The following EPC2 variants were observed in gnomAD, a reference collection of about 807,000 sequenced individuals.
The protein encoded by EPC2 is enhancer of polycomb 2.
A neutral mutation model predicts 92.1 loss-of-function variants in EPC2; 14 were observed. The ratio of observed to expected loss-of-function variants is 0.15; its 90% CI spans 0.10 to 0.24. The LOEUF (loss-of-function observed/expected upper bound fraction) is 0.24. Ranked by LOEUF, EPC2 falls within the 10% of genes least tolerant of loss-of-function variation. The probability of loss-of-function intolerance (pLI) is 1.00; values close to 1 mark genes in which losing one functional copy is unlikely to be tolerated. For missense variants in EPC2, 755 were observed against 971.5 expected (o/e 0.78, Z 2.96); for synonymous variants, 340 against 334.7 (o/e 1.02, Z -0.17).
At chr2:148,705,580 G>A (rs938150149) in intron 2 of EPC2, among the ~76,000 whole-genome samples, 1 of 152,170 alleles carries the variant, frequency 6.6e-6, no homozygotes, top group Admixed American at 6.5e-5. Flanking sequence ...CCCAGTAGGG[G>A]CCGACTGACA....
At chr2:148,674,235 G>A (rs1382361862) in intron 1 of EPC2, among the ~76,000 whole-genome samples, 9 of 152,142 alleles carry the variant, frequency 5.9e-5, no homozygotes, top group African/African-American at 2.4e-5. Flanking sequence ...TCAGGTGTTT[G>A]TACTCTCTTG....
chr2:148,647,553 C>A (rs1040684102), intron 1 of EPC2, among the ~76,000 whole-genome samples: 1 of 151,820 alleles, frequency 6.6e-6, no homozygotes, highest in Non-Finnish European at 1.5e-5. Context: ...GGTGATCACC[C>A]GCCTCGGCCT....
intron 2 of EPC2, among the ~76,000 whole-genome samples, chr2:148,711,897 C>T (rs1034194561): frequency 1.3e-5 from 2 of 152,070 alleles, no homozygotes; most frequent in Non-Finnish European, 2.9e-5. Flanking sequence ...ATTATAGGTA[C>T]TCTGGCTTTG....
rs6708732 is a variant in EPC2 at position 148,717,844 on chromosome 2, G to T, written c.314-25778G>T. Among the ~76,000 whole-genome samples, 1,070 of 152,244 alleles carry T rather than the reference G, an allele frequency of 7.0e-3. 15 individuals are homozygous for T. Among genetic ancestry groups the T allele is most frequent in the African/African-American group, 0.025 (1,022 of 41,528 alleles). On this transcript the variant is annotated intron_variant, in intron 2 of 13. Coordinates refer to ENST00000258484, the MANE Select transcript of EPC2 (RefSeq NM_015630.4). ...GATCTGTCTAATATTGTCAGTAGGGGTGTTAAAGTCTCCCACTATTATTGT... is the reference window on the plus strand; with the variant it reads ...GATCTGTCTAATATTGTCAGTAGGGTTGTTAAAGTCTCCCACTATTATTGT...
chr2:148,729,219 A>T (rs1369496465), intron 2 of EPC2, among the ~76,000 whole-genome samples: 3 of 152,080 alleles, frequency 2.0e-5, no homozygotes, highest in African/African-American at 7.2e-5. Context: ...TAGCTTGTAC[A>T]GGAGTGCTTG....
chr2:148,679,588 C>T (rs1353206893), intron 1 of EPC2, among the ~76,000 whole-genome samples: 2 of 152,158 alleles, frequency 1.3e-5, no homozygotes, highest in African/African-American at 4.8e-5. Flanking sequence ...GCCTTGGCTT[C>T]CTAGTTCTTT....
intron 12 of EPC2, 30 bp downstream of exon 12, chr2:148,783,786 T>A (rs1180332001): frequency 6.4e-7 from 1 of 1,559,972 alleles, no homozygotes. Context: ...TGGTACCTAC[T>A]TTCTTGAAGT....
chr2:148,723,797 A>T (rs1253185114), intron 2 of EPC2, among the ~76,000 whole-genome samples: 6 of 152,118 alleles, frequency 3.9e-5, no homozygotes, highest in African/African-American at 1.2e-4. Flanking sequence ...TTTGAGGTTG[A>T]TATACTTAAA....
chr2:148,780,260 C>T (rs976679637), intron 10 of EPC2, among the ~76,000 whole-genome samples: 2 of 152,074 alleles, frequency 1.3e-5, no homozygotes, highest in Non-Finnish European at 1.5e-5. Flanking sequence ...GAACTGTTTT[C>T]CCCTTATAGT....
chr2:148,740,093 G>T (rs532176246), intron 2 of EPC2, among the ~76,000 whole-genome samples: 150 of 151,484 alleles, frequency 9.9e-4, no homozygotes, highest in African/African-American at 3.6e-3. Flanking sequence ...TTTTTAGCAG[G>T]AGAAAGCTAT....
intron 3 of EPC2, 121 bp downstream of exon 3, chr2:148,743,888 C>A: frequency 4.0e-6 from 3 of 756,392 alleles, no homozygotes; most frequent in Non-Finnish European, 5.9e-6. Context: ...CCTGGAATTT[C>A]TGTTTACAAT....
chr2:148,687,696 T>C (rs909499151), intron 1 of EPC2, among the ~76,000 whole-genome samples: 1 of 152,220 alleles, frequency 6.6e-6, no homozygotes, highest in Non-Finnish European at 1.5e-5. Flanking sequence ...CGATGCTGCT[T>C]GTGGGAGTCC....
intron 2 of EPC2, among the ~76,000 whole-genome samples, chr2:148,713,456 A>T (rs1469136129): frequency 6.6e-6 from 1 of 152,140 alleles, no homozygotes; most frequent in Non-Finnish European, 1.5e-5. Flanking sequence ...ACAAAAAGTT[A>T]AAAAGTAAAA....
At chr2:148,785,316 A>G (rs1395381713) in intron 13 of EPC2, among the ~76,000 whole-genome samples, 1 of 151,642 alleles carries the variant, frequency 6.6e-6, no homozygotes, top group Non-Finnish European at 1.5e-5. Flanking sequence ...AGCTTCAGTT[A>G]CTCTTCCCCC....
At chr2:148,751,095 C>A (rs573570179) in intron 3 of EPC2, among the ~76,000 whole-genome samples, 240 of 152,106 alleles carry the variant, frequency 1.6e-3, no homozygotes, top group Middle Eastern at 3.4e-3. Flanking sequence ...AAGTTTTTTC[C>A]CTTATCTTCC....
At chr2:148,717,192 GAT>G (rs1491192972) in intron 2 of EPC2, among the ~76,000 whole-genome samples, 4 of 98,546 alleles carry the variant, frequency 4.1e-5, no homozygotes, top group Non-Finnish European at 6.0e-5. Context: ...TGGATTCATT[GAT>G]TTTTTTTTTT....
At chr2:148,691,924 C>CTT (rs1332366272) in intron 2 of EPC2, 1 of 446,968 alleles carries the variant, frequency 2.2e-6, no homozygotes, top group African/African-American at 2.0e-5. Flanking sequence ...AAGCATAAAG[C>CTT]TTTTTTCTTT....
At chr2:148,693,565 G>T (rs1416862945) in intron 2 of EPC2, among the ~76,000 whole-genome samples, 1 of 152,126 alleles carries the variant, frequency 6.6e-6, no homozygotes, top group African/African-American at 2.4e-5. Flanking sequence ...AACTGTTTGA[G>T]GGTCTTTTTC....
At chr2:148,701,517 G>T (rs1681887084) in intron 2 of EPC2, among the ~76,000 whole-genome samples, 1 of 151,896 alleles carries the variant, frequency 6.6e-6, no homozygotes, top group Non-Finnish European at 1.5e-5. Flanking sequence ...ATATGCTCAT[G>T]TGATTTTTCT....
Sources: allele counts gnomAD v4.1 joint callset (sites outside exome capture counted in the v4.1 genomes callset), GRCh38; gene constraint gnomAD v4.1.1; transcripts MANE v1.5; gene names NCBI Gene and HGNC (gene_info 2026-07-23, HGNC 2026-07-21).